The following RPUSD4 variants were observed in gnomAD, a reference collection of about 807,000 sequenced individuals.
The protein encoded by RPUSD4 is RNA pseudouridine synthase D4, also known as pseudouridylate synthase RPUSD4, mitochondrial.
A neutral mutation model predicts 35.4 loss-of-function variants in RPUSD4; 37 were observed. That is an observed-to-expected ratio of 1.04 (90% CI 0.80 to 1.37). The LOEUF is 1.37. Ranked by LOEUF, RPUSD4 falls within the 40% of genes most tolerant of loss-of-function variation. The pLI is 0.00. For synonymous variants in RPUSD4, 210 were observed against 192.7 expected (o/e 1.09, Z -0.74); for missense variants, 507 against 484.9 (o/e 1.05, Z -0.43).
intron 3 of RPUSD4, among the ~76,000 whole-genome samples, chr11:126,207,143 G>A (rs1591489066): frequency 6.6e-6 from 1 of 152,080 alleles, no homozygotes; most frequent in East Asian, 1.9e-4. Flanking sequence ...CATTTCACAA[G>A]AATCAATCTT....
At position 126,211,041 on chromosome 11, in the gene RPUSD4, A is replaced by T. The variant is rs1182827184; in HGVS notation, c.204T>A (p.Ala68=). The part of the protein sequence containing the change: ...DTKKEPVSTN[A]VQRRVQEIVR... ...CTATTTCTTGCACTCTCCGCTGAAC[A>T]GCGTTTGTGGACACCTAGGGAGAAA... is the stretch of plus-strand genomic sequence containing the variant. The change falls in exon 2 of 7, where the codon GCT becomes GCA. Residue 68 remains alanine, a synonymous_variant. Transcript: ENST00000298317. 6.2e-7 allele frequency: 1 copy of T among 1,613,478 alleles called. No homozygotes were observed. The highest frequency in any genetic ancestry group is 1.7e-5 in the Admixed American group (1 of 59,984).
intron 2 of RPUSD4, 145 bp downstream of exon 2, chr11:126,210,745 G>GTCGCTGT: frequency 2.8e-6 from 2 of 721,738 alleles, no homozygotes; most frequent in Non-Finnish European, 4.5e-6. Context: ...GTTCTCGGTG[G>GTCGCTGT]TTCCTTATAT....
At chr11:126,210,851 C>T (rs760401053) in intron 2 of RPUSD4, 39 bp downstream of exon 2, 1 of 1,574,128 alleles carries the variant, frequency 6.4e-7, no homozygotes, top group South Asian at 1.2e-5. Flanking sequence ...TAGCAGAAAG[C>T]AGCTGCAGGT....
intron 1 of RPUSD4, 112 bp downstream of exon 1, chr11:126,211,338 G>T (rs1451611335): frequency 2.4e-6 from 3 of 1,225,238 alleles, no homozygotes; most frequent in Non-Finnish European, 3.4e-6. Context: ...CCCACCTTGC[G>T]TCCGGGCTAT....
At chr11:126,211,218 C>T (rs1157206652) in intron 1 of RPUSD4, 163 bp from the exon 2 acceptor site, 2 of 961,442 alleles carry the variant, frequency 2.1e-6, no homozygotes, top group Non-Finnish European at 3.1e-6. Flanking sequence ...TCTGTCTAAC[C>T]TGCGTACCGA....
At chr11:126,206,027 A>T (rs1565317054) in intron 3 of RPUSD4, 4 of 375,660 alleles carry the variant, frequency 1.1e-5, no homozygotes, top group African/African-American at 4.1e-5. Flanking sequence ...AAAAGAAAAA[A>T]ATTACATTAA....
intron 2 of RPUSD4, among the ~76,000 whole-genome samples, chr11:126,209,956 T>A (rs1016472370): frequency 6.6e-6 from 1 of 152,206 alleles, no homozygotes; most frequent in Non-Finnish European, 1.5e-5. Flanking sequence ...GCTGCCCAAG[T>A]GATTCAGAAG....
In RPUSD4 at chr11:126,211,441, T is replaced by C. The variant is rs587891; in HGVS notation, c.189+9A>G. 0.8 allele frequency: 1,282,553 copies of C among 1,608,132 alleles called. 513,631 individuals carry two copies. The highest frequency in any genetic ancestry group is 1 in the East Asian group (44,795 of 44,822). On this transcript the variant is annotated intron_variant, in intron 1 of 6. Coordinates refer to ENST00000298317, the MANE Select transcript of RPUSD4 (RefSeq NM_032795.3). ...TGCCTCTAGGGAGTTCTGGTCCCTT[T>C]GGACTCACCGGCTCCTTCTTTGTGT...
intron 3 of RPUSD4, chr11:126,206,218 C>T (rs1263543845): frequency 6.5e-6 from 1 of 154,006 alleles, no homozygotes; most frequent in Non-Finnish European, 1.4e-5. Context: ...GTTCCTGGCT[C>T]ATTTGCCACA....
chr11:126,205,890 C>T, intron 3 of RPUSD4, 109 bp from the exon 4 acceptor site: 1 of 747,720 alleles, frequency 1.3e-6, no homozygotes, highest in Middle Eastern at 2.4e-4. Context: ...CATGTGATTT[C>T]TTATGATTGA....
At chr11:126,209,010 G>C (rs563903947) in intron 3 of RPUSD4, 7 of 151,760 alleles carry the variant, frequency 4.6e-5, no homozygotes, top group Non-Finnish European at 8.8e-5. Flanking sequence ...TTTTTCTTTA[G>C]AGACAGGATC....
At position 126,210,869 on chromosome 11, in the gene RPUSD4, C is replaced by T. The variant is rs750340808; in HGVS notation, c.355+21G>A. ...CAGAAAGCAGCTGCAGGTTCCTCCA[C>T]CTTTCCCGCGTGGTCCTTACCATGC... On this transcript the variant is annotated intron_variant, in intron 2 of 6. Transcript: ENST00000298317. 6 of 1,604,010 alleles carry T rather than the reference C, an allele frequency of 3.7e-6. No homozygotes were observed. In the African/African-American group the frequency reaches 6.7e-5, roughly 18 times the overall value.
chr11:126,204,373 T>TA (rs755657626), intron 5 of RPUSD4, 45 bp from the exon 6 acceptor site: 2 of 1,435,736 alleles, frequency 1.4e-6, no homozygotes, highest in Non-Finnish European at 1.9e-6. Context: ...CGTGAGGAGC[T>TA]ACAGAAACAA....
intron 2 of RPUSD4, 29 bp from the exon 3 acceptor site, chr11:126,209,751 C>A (rs144728924): frequency 6.3e-7 from 1 of 1,590,254 alleles, no homozygotes; most frequent in Non-Finnish European, 8.6e-7. Context: ...AAGGTTTGAG[C>A]GGCCAGGAAA....
rs769221784 is a variant in RPUSD4 at position 126,210,978 on chromosome 11, G to A, written c.267C>T (p.Asn89=). 17 of 1,614,126 alleles carry A rather than the reference G, an allele frequency of 1.1e-5. No individual in the cohort carries two copies. The highest frequency in any genetic ancestry group is 1.4e-5 in the Non-Finnish European group (16 of 1,180,028). ...CTCGGGTCAGTGCCTTAGCAAGCAC[G>A]TTGGGGTGGACTCGCTGCAGCTGCC... The part of the protein sequence containing the change: ...FTRQLQRVHP[N]VLAKALTRGI... Residue 89 remains asparagine (N), a synonymous_variant, in exon 2 of 7, where the codon AAC becomes AAT. Transcript: ENST00000298317.
At chr11:126,207,695 C>A (rs1004267024) in intron 3 of RPUSD4, among the ~76,000 whole-genome samples, 6 of 152,156 alleles carry the variant, frequency 3.9e-5, no homozygotes, top group Admixed American at 6.5e-5. Flanking sequence ...ACTAAAAATA[C>A]AAAAATTAGC....
Position 126,203,562 on chromosome 11 carries a change from A to C in RPUSD4, c.990T>G (p.Pro330=). The change falls in exon 7 of 7, where the codon CCT becomes CCG. Residue 330 remains proline, a synonymous_variant. Transcript: ENST00000298317. ...LHLHARQLIL[P]ALGSGKEELN... is the part of the protein sequence containing the mutation. Reference sequence around the variant, plus strand: ...GTTCCTCCTTCCCGGACCCCAGGGCAGGCAGGATCAGCTGCCGGGCGTGCA... The same window carrying C: ...GTTCCTCCTTCCCGGACCCCAGGGCCGGCAGGATCAGCTGCCGGGCGTGCA... The C allele has an allele frequency of 1.2e-6, 2 of 1,614,224 alleles. No homozygotes were observed. The highest frequency in any genetic ancestry group is 1.7e-6 in the Non-Finnish European group (2 of 1,180,040).
At position 126,210,881 on chromosome 11, in the gene RPUSD4, G is replaced by A. The variant is rs71475941; in HGVS notation, c.355+9C>T. 0.017 allele frequency: 27,649 copies of A among 1,610,988 alleles called. 274 individuals carry two copies. Among genetic ancestry groups the A allele is most frequent in the Non-Finnish European group, 0.02 (24,015 of 1,178,282 alleles). On this transcript the variant is annotated intron_variant, in intron 2 of 6. Transcript: ENST00000298317. Reference sequence around the variant, plus strand: ...GCAGGTTCCTCCACCTTTCCCGCGTGGTCCTTACCATGCACAGGGAGACCG... The same window carrying A: ...GCAGGTTCCTCCACCTTTCCCGCGTAGTCCTTACCATGCACAGGGAGACCG...
rs1431318584 is a variant in RPUSD4 at position 126,202,697 on chromosome 11, A to G, written c.*721T>C. 6.6e-6 allele frequency: 1 copy of G among 152,250 alleles called. No individual in the cohort carries two copies. The highest frequency in any genetic ancestry group is 1.5e-5 in the Non-Finnish European group (1 of 68,048). The allele number at this position is 152,250 out of a possible 1,614,324, so 9.4% of individuals were successfully genotyped here. A position where few individuals can be genotyped will look rare whatever the true frequency, so the allele number is the denominator to read the frequency against. On this transcript the variant is annotated 3_prime_UTR_variant, in exon 7 of 7. Coordinates refer to ENST00000298317, the MANE Select transcript of RPUSD4 (RefSeq NM_032795.3). ...TTGGCAATACACTGGGAGGTTTCAC[A>G]TAAATATCTAGGTTTCCAGCTTCTC...
Sources: allele counts gnomAD v4.1 joint callset (sites outside exome capture counted in the v4.1 genomes callset), GRCh38; gene constraint gnomAD v4.1.1; transcripts MANE v1.5; gene names NCBI Gene and HGNC (gene_info 2026-07-23, HGNC 2026-07-21).